Variants in HIBADH observed in about 807,000 individuals in gnomAD.
HIBADH encodes the protein 3-hydroxyisobutyrate dehydrogenase, also known as 3-hydroxyisobutyrate dehydrogenase, mitochondrial.
A neutral mutation model predicts 36.1 loss-of-function variants in HIBADH; 25 were observed. The observed-to-expected ratio is 0.69, with a 90% CI of 0.50 to 0.97. The LOEUF is 0.97. Ranked by LOEUF, HIBADH falls within the 50% of genes least tolerant of loss-of-function variation. HIBADH has a pLI of 0.00. For synonymous variants in HIBADH, 160 were observed against 149.5 expected (o/e 1.07, Z -0.51); for missense variants, 421 against 418.0 (o/e 1.01, Z -0.06).
chr7:27,556,917 G>T (rs939208857), intron 4 of HIBADH, among the ~76,000 whole-genome samples: 4 of 152,192 alleles, frequency 2.6e-5, no homozygotes, highest in African/African-American at 4.8e-5. Flanking sequence ...GAGGATAGAA[G>T]AGGATAGAGC....
At chr7:27,634,117 TAAA>T in intron 2 of HIBADH, among the ~76,000 whole-genome samples, 1 of 152,324 alleles carries the variant, frequency 6.6e-6, no homozygotes, top group African/African-American at 2.4e-5. Context: ...AGTCACTCTT[TAAA>T]ATTTCAGTAA....
chr7:27,584,073 T>A (rs760557445), intron 4 of HIBADH, among the ~76,000 whole-genome samples: 3 of 152,048 alleles, frequency 2.0e-5, no homozygotes, highest in Non-Finnish European at 2.9e-5. Context: ...CTCATATAGA[T>A]AATGCAGTTT....
chr7:27,659,482 A>G (rs1250769111), intron 1 of HIBADH, among the ~76,000 whole-genome samples: 1 of 152,116 alleles, frequency 6.6e-6, no homozygotes, highest in Non-Finnish European at 1.5e-5. Context: ...TGGGAGGCTG[A>G]GGCAGGAGGA....
At chr7:27,579,445 T>C (rs1784759296) in intron 4 of HIBADH, among the ~76,000 whole-genome samples, 1 of 152,214 alleles carries the variant, frequency 6.6e-6, no homozygotes, top group African/African-American at 2.4e-5. Context: ...TGAATTCTAT[T>C]TTTACTGTGT....
chr7:27,614,674 C>T (rs1785395835), intron 4 of HIBADH, among the ~76,000 whole-genome samples: 1 of 152,198 alleles, frequency 6.6e-6, no homozygotes, highest in Admixed American at 6.5e-5. Flanking sequence ...CCTTTGCTTT[C>T]AACTATAATT....
intron 4 of HIBADH, 42 bp from the exon 5 acceptor site, chr7:27,543,142 A>ATT (rs1183958709): frequency 1.2e-6 from 2 of 1,603,026 alleles, no homozygotes; most frequent in African/African-American, 2.7e-5. Context: ...AAAAGAATAT[A>ATT]TTTCTTAAAA....
chr7:27,536,446 T>C (rs988474489), intron 6 of HIBADH, among the ~76,000 whole-genome samples: 1 of 152,124 alleles, frequency 6.6e-6, no homozygotes, highest in Non-Finnish European at 1.5e-5. Context: ...ATGAAAGATT[T>C]AAAAGTTTCA....
chr7:27,574,095 A>T (rs566910897), intron 4 of HIBADH, among the ~76,000 whole-genome samples: 114 of 152,328 alleles, frequency 7.5e-4, no homozygotes, highest in African/African-American at 2.7e-3. Flanking sequence ...GAAATGAAAA[A>T]GTTTGACTCC....
chr7:27,531,065 A>G lies in HIBADH; in HGVS notation c.852+127T>C, dbSNP rs1488096204. The G allele has an allele frequency of 1.8e-5, 16 of 875,106 alleles. No homozygotes were observed. The Admixed American group carries it at 3.3e-4, about 18-fold the overall frequency. The allele number at this position is 875,106 out of a possible 1,614,324, so 54.2% of individuals were successfully genotyped here. On this transcript the variant is annotated intron_variant, in intron 7 of 7. Coordinates refer to ENST00000265395, the MANE Select transcript of HIBADH (RefSeq NM_152740.4). ...GTTAGGTTTTTACTCATTTTCAGTG[A>G]GAGTGAATATTCTAGTAATTTTGCC...
chr7:27,658,686 A>C (rs575196944), intron 1 of HIBADH, among the ~76,000 whole-genome samples: 1 of 152,318 alleles, frequency 6.6e-6, no homozygotes, highest in African/African-American at 2.4e-5. Flanking sequence ...CAAAAATAAA[A>C]AAAACATTTT....
At chr7:27,630,203 A>T (rs755349012) in intron 3 of HIBADH, among the ~76,000 whole-genome samples, 3 of 152,194 alleles carry the variant, frequency 2.0e-5, no homozygotes, top group Non-Finnish European at 4.4e-5. Flanking sequence ...GGGTATGGCT[A>T]ACCTTTAATT....
intron 4 of HIBADH, among the ~76,000 whole-genome samples, chr7:27,558,101 C>A (rs1012037727): frequency 6.6e-6 from 1 of 152,008 alleles, no homozygotes; most frequent in Non-Finnish European, 1.5e-5. Context: ...TGTGTGCAAT[C>A]TCTTATCTTA....
At chr7:27,538,584 C>A (rs957938877) in intron 5 of HIBADH, among the ~76,000 whole-genome samples, 167 bp from the exon 6 acceptor site, 1 of 152,108 alleles carries the variant, frequency 6.6e-6, no homozygotes, top group Non-Finnish European at 1.5e-5. Context: ...TCCCTCTGAA[C>A]CTCACATGCT....
At chr7:27,567,428 A>G (rs769896828) in intron 4 of HIBADH, among the ~76,000 whole-genome samples, 3 of 152,122 alleles carry the variant, frequency 2.0e-5, no homozygotes, top group Non-Finnish European at 4.4e-5. Context: ...TTTAAATCCA[A>G]TCTGATAATA....
Position 27,559,331 on chromosome 7 carries a change from CTG to C in HIBADH, c.485-16233_485-16232del, listed in dbSNP as rs573917002. Among the ~76,000 whole-genome samples, 10 of 152,238 alleles carry C rather than the reference CTG, an allele frequency of 6.6e-5. No homozygotes were observed. The East Asian group carries it at 1.9e-3, about 29-fold the overall frequency. ...ATCAACCCAAAACCACAGCTTAAAA[CTG>C]TATTTAGGCTGGGCACAGTGGCTCA... On this transcript the variant is annotated intron_variant, in intron 4 of 7. Transcript: ENST00000265395.
At chr7:27,588,759 C>T (rs1327112202) in intron 4 of HIBADH, among the ~76,000 whole-genome samples, 1 of 152,176 alleles carries the variant, frequency 6.6e-6, no homozygotes, top group African/African-American at 2.4e-5. Flanking sequence ...AATCAATACT[C>T]TAAAAGCACA....
intron 4 of HIBADH, among the ~76,000 whole-genome samples, chr7:27,596,292 GC>G (rs1398944279): frequency 6.6e-6 from 1 of 152,122 alleles, no homozygotes; most frequent in Non-Finnish European, 1.5e-5. Flanking sequence ...CCTCCACCAT[GC>G]CCTTTTCTAA....
intron 1 of HIBADH, among the ~76,000 whole-genome samples, chr7:27,658,434 A>C (rs1786347271): frequency 6.6e-6 from 1 of 152,220 alleles, no homozygotes; most frequent in East Asian, 1.9e-4. Context: ...TTCTAAATTT[A>C]TAGATGCAAA....
At chr7:27,568,534 T>G (rs1200969691) in intron 4 of HIBADH, among the ~76,000 whole-genome samples, 1 of 152,164 alleles carries the variant, frequency 6.6e-6, no homozygotes, top group Non-Finnish European at 1.5e-5. Flanking sequence ...CTCAGCTCAC[T>G]GCAACCTTCG....
Sources: allele counts gnomAD v4.1 joint callset (sites outside exome capture counted in the v4.1 genomes callset), GRCh38; gene constraint gnomAD v4.1.1; transcripts MANE v1.5; gene names NCBI Gene and HGNC (gene_info 2026-07-23, HGNC 2026-07-21).